The following TAFA2 variants were observed in gnomAD, a reference collection of about 807,000 sequenced individuals.
TAFA2 encodes the protein TAFA chemokine like family member 2.
Under a neutral mutation model 18.8 loss-of-function variants are expected in TAFA2, and 7 were observed. That is an observed-to-expected ratio of 0.37 (90% CI 0.21 to 0.70). The LOEUF is 0.70. TAFA2 is among the 30% of genes least tolerant of loss of function. TAFA2 has a pLI of 0.53. For missense variants in TAFA2, 122 were observed against 158.1 expected (o/e 0.77, Z 1.23); for synonymous variants, 60 against 54.2 (o/e 1.11, Z -0.47).
intron 1 of TAFA2, among the ~76,000 whole-genome samples, chr12:62,236,933 C>T (rs768492631): frequency 7.2e-5 from 11 of 151,998 alleles, no homozygotes; most frequent in Non-Finnish European, 8.8e-5. Context: ...TAGTCTTATT[C>T]GGGTTGAATC....
intron 2 of TAFA2, among the ~76,000 whole-genome samples, chr12:61,852,141 G>C (rs1339115403): frequency 2.0e-5 from 3 of 151,550 alleles, no homozygotes; most frequent in Non-Finnish European, 2.9e-5. Context: ...CAGAAGCAGA[G>C]GTTGCGGTGA....
chr12:61,909,681 A>G (rs1256187643), intron 1 of TAFA2, among the ~76,000 whole-genome samples: 1 of 152,186 alleles, frequency 6.6e-6, no homozygotes, highest in East Asian at 1.9e-4. Flanking sequence ...GAAATTACTC[A>G]CTAAATGTTT....
At chr12:62,037,460 T>TA (rs1289013163) in intron 1 of TAFA2, among the ~76,000 whole-genome samples, 1 of 152,224 alleles carries the variant, frequency 6.6e-6, no homozygotes, top group Non-Finnish European at 1.5e-5. Context: ...TCCTGATTTT[T>TA]AAAAAATCAT....
intron 1 of TAFA2, chr12:62,207,134 A>G (rs531841762): frequency 2.0e-4 from 30 of 152,246 alleles, no homozygotes; most frequent in East Asian, 9.7e-4. Context: ...ACTTCCCTCC[A>G]TCTTAACACT....
chr12:61,887,813 T>C (rs975797964), intron 1 of TAFA2, among the ~76,000 whole-genome samples: 35 of 151,650 alleles, frequency 2.3e-4, no homozygotes, highest in African/African-American at 7.7e-4. Context: ...ATGTGCCACA[T>C]TTTCTTAATC....
At chr12:62,076,352 G>A (rs1391296376) in intron 1 of TAFA2, among the ~76,000 whole-genome samples, 1 of 152,124 alleles carries the variant, frequency 6.6e-6, no homozygotes, top group Non-Finnish European at 1.5e-5. Flanking sequence ...GAGATTTAAG[G>A]CATTAGAAAC....
intron 2 of TAFA2, among the ~76,000 whole-genome samples, chr12:61,762,099 C>T (rs1869575754): frequency 6.6e-6 from 1 of 152,112 alleles, no homozygotes; most frequent in Non-Finnish European, 1.5e-5. Flanking sequence ...AGGTAGCCAG[C>T]ATCATGCTTG....
intron 1 of TAFA2, among the ~76,000 whole-genome samples, chr12:62,152,800 A>G (rs527843345): frequency 5.9e-5 from 9 of 152,340 alleles, no homozygotes; most frequent in African/African-American, 2.2e-4. Context: ...TATTACAACA[A>G]TAGAGCCAGT....
Position 61,999,472 on chromosome 12 carries a change from G to A in TAFA2, c.-1-132046C>T, listed in dbSNP as rs111781641. On this transcript the variant is annotated intron_variant, in intron 1 of 4. Transcript: ENST00000416284. The stretch of plus-strand genomic sequence containing the variant: ...AGGGGAAGTATGGAGAAAATATGTG[G>A]ATACGGCTTCCTAAAATTCAAGATT... 8.6e-3 allele frequency among the ~76,000 whole-genome samples: 1,307 copies of A among 152,256 alleles called. 20 individuals are homozygous for A. Among genetic ancestry groups the A allele is most frequent in the African/African-American group, 0.03 (1,228 of 41,554 alleles).
At chr12:61,766,993 A>G (rs1268508126) in intron 2 of TAFA2, among the ~76,000 whole-genome samples, 1 of 152,146 alleles carries the variant, frequency 6.6e-6, no homozygotes, top group Admixed American at 6.6e-5. Flanking sequence ...CATCTTTGAC[A>G]AATCAGTTAA....
intron 1 of TAFA2, among the ~76,000 whole-genome samples, chr12:62,232,439 C>A (rs1394193528): frequency 6.6e-6 from 1 of 152,168 alleles, no homozygotes; most frequent in African/African-American, 2.4e-5. Context: ...GCAAGAGTGA[C>A]AAGTAAATTT....
At chr12:61,843,915 C>A (rs2121134940) in intron 2 of TAFA2, among the ~76,000 whole-genome samples, 1 of 152,218 alleles carries the variant, frequency 6.6e-6, no homozygotes, top group African/African-American at 2.4e-5. Context: ...GAGCACATAG[C>A]TTCCAAGTGT....
intron 1 of TAFA2, among the ~76,000 whole-genome samples, chr12:62,116,239 C>T (rs751281071): frequency 6.6e-6 from 1 of 152,094 alleles, no homozygotes; most frequent in Admixed American, 6.6e-5. Context: ...CTGAGATGCA[C>T]GAAGCCCATG....
chr12:61,941,240 A>G (rs1042733831), intron 1 of TAFA2, among the ~76,000 whole-genome samples: 3 of 152,210 alleles, frequency 2.0e-5, no homozygotes, highest in Non-Finnish European at 4.4e-5. Flanking sequence ...TATATAGACT[A>G]CATGGTAAAA....
chr12:62,005,614 A>C (rs1205817265), intron 1 of TAFA2, among the ~76,000 whole-genome samples: 1 of 152,170 alleles, frequency 6.6e-6, no homozygotes, highest in Non-Finnish European at 1.5e-5. Context: ...TAGATAATCT[A>C]GTTCAAACTA....
chr12:61,802,545 CA>C (rs1871441500), intron 2 of TAFA2, among the ~76,000 whole-genome samples: 1 of 151,920 alleles, frequency 6.6e-6, no homozygotes, highest in South Asian at 2.1e-4. Context: ...TATGAGGGAG[CA>C]AAAAGTGTTG....
intron 1 of TAFA2, among the ~76,000 whole-genome samples, chr12:62,224,082 T>TACACACACACACAC (rs144010764): frequency 2.8e-5 from 4 of 142,466 alleles, no homozygotes; most frequent in African/African-American, 1.0e-4. Context: ...TATATGTGCA[T>TACACACACACACAC]ACACACACAC....
In TAFA2 at chr12:62,035,733, C is replaced by CTTTTTTTTTTTTTTTTTTT. The variant is rs34859628; in HGVS notation, c.-2+155507_-2+155525dup. 1.5e-4 allele frequency among the ~76,000 whole-genome samples: 9 copies of CTTTTTTTTTTTTTTTTTTT among 60,228 alleles called. 1 individual carries two copies. Among genetic ancestry groups the CTTTTTTTTTTTTTTTTTTT allele is most frequent in the African/African-American group, 6.8e-4 (9 of 13,236 alleles). 39.5% of individuals were successfully genotyped at this position (60,228 alleles called of 152,430 possible). On this transcript the variant is annotated intron_variant, in intron 1 of 4. Coordinates refer to ENST00000416284, the MANE Select transcript of TAFA2 (RefSeq NM_178539.5). ...TGACGCTAGGGGTCAATGATTCTTT[C>CTTTTTTTTTTTTTTTTTTT]TTTTTTTTTTTTTTTTTTTTTTTTT...
chr12:62,068,666 C>A (rs1469595202), intron 1 of TAFA2, among the ~76,000 whole-genome samples: 1 of 151,968 alleles, frequency 6.6e-6, no homozygotes, highest in Non-Finnish European at 1.5e-5. Context: ...TCAAAATTTA[C>A]AAATATAATT....
Sources: gnomAD v4.1 joint callset for allele counts (sites outside exome capture counted in the v4.1 genomes callset) on GRCh38, gnomAD v4.1.1 for gene constraint, MANE v1.5 for transcripts, NCBI Gene and HGNC (gene_info 2026-07-23, HGNC 2026-07-21) for gene names.